Variants in FOXN3 observed in about 807,000 individuals in gnomAD.
FOXN3 encodes forkhead box N3.
Under a neutral mutation model 38.4 loss-of-function variants are expected in FOXN3, and 7 were observed. The observed-to-expected ratio is 0.18, with a 90% CI of 0.10 to 0.34. FOXN3 has a LOEUF of 0.34. Ranked by LOEUF, FOXN3 falls within the 10% of genes least tolerant of loss-of-function variation. The pLI is 1.00. For missense variants in FOXN3, 456 were observed against 613.4 expected (o/e 0.74, Z 2.71); for synonymous variants, 230 against 242.2 (o/e 0.95, Z 0.47).
intron 1 of FOXN3, among the ~76,000 whole-genome samples, chr14:89,514,946 G>C (rs1220466104): frequency 6.6e-6 from 1 of 151,584 alleles, no homozygotes; most frequent in African/African-American, 2.4e-5. Flanking sequence ...TTCTGAGACG[G>C]AGTCTCGCCG....
At chr14:89,603,482 TG>T (rs1374071163) in intron 1 of FOXN3, among the ~76,000 whole-genome samples, 2 of 152,252 alleles carry the variant, frequency 1.3e-5, no homozygotes, top group Non-Finnish European at 2.9e-5. Context: ...ATAAGGATTA[TG>T]CTTTTTTCTC....
intron 2 of FOXN3, among the ~76,000 whole-genome samples, chr14:89,404,989 T>C (rs1353650785): frequency 6.6e-6 from 1 of 152,166 alleles, no homozygotes; most frequent in Admixed American, 6.5e-5. Context: ...TCCTAAAAGG[T>C]CCATCAATGA....
intron 4 of FOXN3, among the ~76,000 whole-genome samples, chr14:89,190,082 G>A (rs1887905090): frequency 6.6e-6 from 1 of 152,192 alleles, no homozygotes; most frequent in South Asian, 2.1e-4. Context: ...ATACCTGCAG[G>A]AGCAAGGAAG....
chr14:89,238,344 A>T (rs1885041207), intron 4 of FOXN3, among the ~76,000 whole-genome samples: 1 of 152,210 alleles, frequency 6.6e-6, no homozygotes, highest in Non-Finnish European at 1.5e-5. Context: ...CCGCAATTTA[A>T]TTTGCACACA....
At chr14:89,498,545 C>A (rs1257681276) in intron 1 of FOXN3, among the ~76,000 whole-genome samples, 1 of 152,150 alleles carries the variant, frequency 6.6e-6, no homozygotes, top group African/African-American at 2.4e-5. Context: ...TTCTTAGCCA[C>A]ACTTATATGC....
chr14:89,160,910 A>G lies in FOXN3; in HGVS notation c.*1504T>C, dbSNP rs1160745165. On this transcript the variant is annotated 3_prime_UTR_variant, in exon 6 of 6. Transcript: ENST00000557258. ...AAAAAAACAAAAACAAAAAACAAAAACAAAAACAAAAAGGAAAAAAAGAAA... is the reference window on the plus strand; with the variant it reads ...AAAAAAACAAAAACAAAAAACAAAAGCAAAAACAAAAAGGAAAAAAAGAAA... 1 of 152,374 alleles carries G rather than the reference A, an allele frequency of 6.6e-6. No homozygotes were observed. The highest frequency in any genetic ancestry group is 1.5e-5 in the Non-Finnish European group (1 of 68,038). The allele number at this position is 152,374 out of a possible 1,614,324, so 9.4% of individuals were successfully genotyped here. A position where few individuals can be genotyped will look rare whatever the true frequency, so the allele number is the denominator to read the frequency against.
At chr14:89,557,435 T>C (rs898178434) in intron 1 of FOXN3, among the ~76,000 whole-genome samples, 11 of 152,148 alleles carry the variant, frequency 7.2e-5, no homozygotes, top group African/African-American at 2.7e-4. Context: ...AGCACGATCC[T>C]TGAACAGGGG....
chr14:89,181,882 C>CATCT (rs1887683245), intron 4 of FOXN3, among the ~76,000 whole-genome samples: 1 of 152,206 alleles, frequency 6.6e-6, no homozygotes, highest in Non-Finnish European at 1.5e-5. Flanking sequence ...GGTGAGCTTT[C>CATCT]ATCTGAGTTC....
Position 89,517,329 on chromosome 14 carries a change from T to C in FOXN3, c.-15+101699A>G, listed in dbSNP as rs1481510895. On this transcript the variant is annotated intron_variant, in intron 1 of 6. Transcript: ENST00000345097. The stretch of plus-strand genomic sequence containing the variant: ...AGTGAGCCGAGATCACACTCCAGCC[T>C]GGGCGACAGAAAGAGACCCTGTCTT... Among the ~76,000 whole-genome samples the C allele has an allele frequency of 2.9e-5, 4 of 137,794 alleles. No homozygotes were observed. In the East Asian group the frequency reaches 9.2e-4, roughly 32 times the overall value. The allele number at this position is 137,794 out of a possible 152,430, so 90.4% of individuals were successfully genotyped here. A position where few individuals can be genotyped will look rare whatever the true frequency, so the allele number is the denominator to read the frequency against.
intron 1 of FOXN3, among the ~76,000 whole-genome samples, chr14:89,431,987 T>TTA (rs1892169033): frequency 6.6e-6 from 1 of 152,238 alleles, no homozygotes; most frequent in Non-Finnish European, 1.5e-5. Context: ...AGTGCTGGGA[T>TTA]TACAGGCGTG....
chr14:89,528,063 T>C (rs543332614), intron 1 of FOXN3, among the ~76,000 whole-genome samples: 1 of 152,212 alleles, frequency 6.6e-6, no homozygotes, highest in Non-Finnish European at 1.5e-5. Context: ...ACCCTGCTGG[T>C]AGAAATGTAA....
At chr14:89,585,424 A>T (rs765225719) in intron 1 of FOXN3, among the ~76,000 whole-genome samples, 7 of 152,224 alleles carry the variant, frequency 4.6e-5, no homozygotes, top group Non-Finnish European at 8.8e-5. Flanking sequence ...AAATGTGTTT[A>T]AGTCATGTCT....
intron 1 of FOXN3, among the ~76,000 whole-genome samples, chr14:89,471,200 C>A (rs1363876522): frequency 6.6e-6 from 1 of 152,084 alleles, no homozygotes; most frequent in Non-Finnish European, 1.5e-5. Context: ...TTATGGGCAC[C>A]TACCTAGACC....
At chr14:89,585,247 C>T (rs243175) in intron 1 of FOXN3, among the ~76,000 whole-genome samples, 30,866 of 152,060 alleles carry the variant, frequency 0.2, 3,982 homozygotes, top group East Asian at 0.44. Flanking sequence ...TCTATTGATC[C>T]TTCAAGTCCC....
chr14:89,201,826 C>T (rs767407927), intron 4 of FOXN3, among the ~76,000 whole-genome samples: 2 of 152,212 alleles, frequency 1.3e-5, no homozygotes, highest in Admixed American at 6.5e-5. Flanking sequence ...ACTTCCTCCT[C>T]TAGTAAAAGG....
chr14:89,442,018 C>G (rs572399035), intron 1 of FOXN3, among the ~76,000 whole-genome samples: 1 of 151,940 alleles, frequency 6.6e-6, no homozygotes, highest in Admixed American at 6.6e-5. Context: ...CCTCCGCCTC[C>G]CAGGTTCAAG....
intron 2 of FOXN3, among the ~76,000 whole-genome samples, chr14:89,372,183 A>T (rs1274661425): frequency 6.6e-6 from 1 of 152,208 alleles, no homozygotes; most frequent in Non-Finnish European, 1.5e-5. Flanking sequence ...CCAAGTCATA[A>T]AGGATAGCAA....
intron 4 of FOXN3, among the ~76,000 whole-genome samples, chr14:89,243,354 A>G (rs184574102): frequency 4.2e-4 from 64 of 152,306 alleles, no homozygotes; most frequent in Middle Eastern, 3.4e-3. Flanking sequence ...CATGAGTTTT[A>G]TTTTTAATGT....
At chr14:89,191,319 C>T (rs1887935067) in intron 4 of FOXN3, among the ~76,000 whole-genome samples, 1 of 152,216 alleles carries the variant, frequency 6.6e-6, no homozygotes, top group Non-Finnish European at 1.5e-5. Context: ...AGAACATCTG[C>T]CCCAGCGCAG....
Sources: allele counts gnomAD v4.1 joint callset (sites outside exome capture counted in the v4.1 genomes callset), GRCh38; gene constraint gnomAD v4.1.1; transcripts MANE v1.5; gene names NCBI Gene and HGNC (gene_info 2026-07-23, HGNC 2026-07-21).